DACH2: variants seen among roughly 807,000 people sequenced by gnomAD.
DACH2 encodes dachshund homolog 2.
Under a neutral mutation model 35.8 loss-of-function variants are expected in DACH2, and 17 were observed. The ratio of observed to expected loss-of-function variants is 0.48; its 90% CI spans 0.33 to 0.71. DACH2 has a LOEUF of 0.71. Among genes scored for constraint, DACH2 ranks in the 30% least tolerant of loss-of-function variants. DACH2 has a pLI of 0.02. For synonymous variants in DACH2, 195 were observed against 177.3 expected, an observed-to-expected ratio of 1.10 and a Z score of -0.79; for missense variants, 469 against 472.7, an observed-to-expected ratio of 0.99 and a Z score of 0.07.
intron 6 of DACH2, among the ~76,000 whole-genome samples, chrX:86,725,516 G>A (rs748122326): frequency 9.0e-6 from 1 of 111,331 alleles, no homozygotes; most frequent in African/African-American, 3.3e-5. Context: ...ATGCCAGATG[G>A]ACCATTCTTC....
At chrX:86,260,528 AT>A (rs1158900807) in intron 1 of DACH2, among the ~76,000 whole-genome samples, 1 of 112,147 alleles carries the variant, frequency 8.9e-6, no homozygotes, top group African/African-American at 3.2e-5. Context: ...AAGAAGCAGA[AT>A]TTTTTAACTT....
At chrX:86,584,433 T>G (rs1301299259) in intron 3 of DACH2, among the ~76,000 whole-genome samples, 2 of 111,206 alleles carry the variant, frequency 1.8e-5, no homozygotes, top group African/African-American at 6.5e-5. Flanking sequence ...CATTCATTGA[T>G]TTTCTCTGTT....
At chrX:86,570,617 A>G (rs1187657147) in intron 3 of DACH2, among the ~76,000 whole-genome samples, 1 of 110,433 alleles carries the variant, frequency 9.1e-6, no homozygotes, top group African/African-American at 3.3e-5. Context: ...AGCATTAGGA[A>G]AAAAATGCAT....
intron 4 of DACH2, among the ~76,000 whole-genome samples, chrX:86,657,408 C>T (rs1167289374): frequency 9.0e-6 from 1 of 110,579 alleles, no homozygotes; most frequent in Non-Finnish European, 1.9e-5. Flanking sequence ...TAGTTAGATC[C>T]ACAAATATTA....
At chrX:86,775,134 G>A (rs1310062827) in intron 7 of DACH2, among the ~76,000 whole-genome samples, 1 of 111,881 alleles carries the variant, frequency 8.9e-6, no homozygotes, top group Non-Finnish European at 1.9e-5. Context: ...AAAGGCAATT[G>A]ATGCTTTAAG....
intron 1 of DACH2, among the ~76,000 whole-genome samples, chrX:86,219,927 G>A (rs746943639): frequency 1.1e-3 from 117 of 105,167 alleles, no homozygotes; most frequent in African/African-American, 3.9e-3. Flanking sequence ...AGGCCAAGGC[G>A]GGCAGGATCA....
intron 3 of DACH2, among the ~76,000 whole-genome samples, chrX:86,584,305 T>A (rs1314702403): frequency 3.6e-5 from 4 of 111,063 alleles, no homozygotes. Context: ...ATTATTATCT[T>A]GAATTATTCT....
At chrX:86,152,151 T>G (rs756544189) in intron 1 of DACH2, among the ~76,000 whole-genome samples, 1 of 111,876 alleles carries the variant, frequency 8.9e-6, no homozygotes, top group East Asian at 2.8e-4. Context: ...GATGGATAAA[T>G]GTTCATAATA....
intron 2 of DACH2, among the ~76,000 whole-genome samples, chrX:86,381,776 T>G (rs773533409): frequency 9.0e-6 from 1 of 110,912 alleles, no homozygotes; most frequent in Non-Finnish European, 1.9e-5. Flanking sequence ...TCTGGCTCAG[T>G]TAATAAGATC....
intron 4 of DACH2, among the ~76,000 whole-genome samples, chrX:86,676,022 A>T (rs1197219519): frequency 8.9e-6 from 1 of 112,060 alleles, no homozygotes; most frequent in Non-Finnish European, 1.9e-5. Flanking sequence ...ACACATGTGC[A>T]TGTAATATTT....
chrX:86,812,759 A>C, intron 7 of DACH2, 97 bp from the exon 8 acceptor site: 1 of 544,895 alleles, frequency 1.8e-6, no homozygotes, highest in Non-Finnish European at 2.8e-6. Flanking sequence ...ATTTAGTTTT[A>C]GAAACAAAAT....
At position 86,798,867 on chromosome X, in the gene DACH2, C is replaced by A. The variant is rs1476559395; in HGVS notation, c.1241-13989C>A. 2.1e-5 allele frequency: 3 copies of A among 145,821 alleles called. No individual in the cohort carries two copies. The East Asian group carries it at 7.4e-4, about 36-fold the overall frequency. 12.0% of individuals were successfully genotyped at this position (145,821 alleles called of 1,213,427 possible). On this transcript the variant is annotated intron_variant, in intron 7 of 11. Transcript: ENST00000373125. ...TTATTGAGATATACACTTGAGAGGG[C>A]AGGGCAAAGGCTCATCTCCTTGTTG...
At chrX:86,678,274 C>A (rs920954686) in intron 4 of DACH2, among the ~76,000 whole-genome samples, 1 of 111,852 alleles carries the variant, frequency 8.9e-6, no homozygotes, top group African/African-American at 3.2e-5. Flanking sequence ...CCATTTGAAG[C>A]AAGGCATACA....
At chrX:86,665,293 C>T (rs1346412399) in intron 4 of DACH2, among the ~76,000 whole-genome samples, 1 of 111,981 alleles carries the variant, frequency 8.9e-6, no homozygotes, top group Non-Finnish European at 1.9e-5. Flanking sequence ...TAGTTATTGA[C>T]ATCCTTATGC....
At chrX:86,596,287 T>C (rs2039711314) in intron 3 of DACH2, among the ~76,000 whole-genome samples, 1 of 111,889 alleles carries the variant, frequency 8.9e-6, no homozygotes, top group African/African-American at 3.2e-5. Flanking sequence ...GTGTCTAACT[T>C]TTTTAGGAAC....
chrX:86,485,495 A>G (rs991791774), intron 2 of DACH2, among the ~76,000 whole-genome samples: 1 of 111,401 alleles, frequency 9.0e-6, no homozygotes, highest in African/African-American at 3.3e-5. Context: ...GTAATGTGTT[A>G]TATGTTTCAA....
chrX:86,173,299 G>A (rs1293993491), intron 1 of DACH2, among the ~76,000 whole-genome samples: 2 of 111,792 alleles, frequency 1.8e-5, no homozygotes, highest in African/African-American at 6.5e-5. Context: ...TGGTATTGTG[G>A]ATGTGGGAAG....
At chrX:86,623,831 C>T (rs1467128029) in intron 3 of DACH2, among the ~76,000 whole-genome samples, 1 of 105,155 alleles carries the variant, frequency 9.5e-6, no homozygotes, top group Non-Finnish European at 2.0e-5. Flanking sequence ...GGGCGGATCA[C>T]GAGGTCAGGA....
intron 1 of DACH2, among the ~76,000 whole-genome samples, chrX:86,268,544 A>G (rs2033754238): frequency 1.1e-5 from 1 of 94,676 alleles, no homozygotes; most frequent in Admixed American, 1.3e-4. Flanking sequence ...ATTTTATTTT[A>G]TTTTATTTGA....
Sources: allele counts gnomAD v4.1 joint callset (sites outside exome capture counted in the v4.1 genomes callset), GRCh38; gene constraint gnomAD v4.1.1; transcripts MANE v1.5; gene names NCBI Gene and HGNC (gene_info 2026-07-23, HGNC 2026-07-21).